CRHR1: variants seen among roughly 807,000 people sequenced by gnomAD.
The protein encoded by CRHR1 is corticotropin releasing hormone receptor 1.
In CRHR1, 28 loss-of-function variants were observed where a neutral mutation model predicts 56.0. The ratio of observed to expected loss-of-function variants is 0.50; its 90% CI spans 0.37 to 0.69. The LOEUF is 0.69. Among genes scored for constraint, CRHR1 ranks in the 30% least tolerant of loss-of-function variants. The pLI, the probability that CRHR1 is intolerant of heterozygous loss-of-function variation, is 0.00. For synonymous variants in CRHR1, 195 were observed against 216.5 expected (o/e 0.90, Z 0.87); for missense variants, 376 against 548.0 (o/e 0.69, Z 3.13).
intron 2 of CRHR1, among the ~76,000 whole-genome samples, chr17:45,815,813 T>G (rs1356587791): frequency 6.6e-6 from 1 of 152,176 alleles, no homozygotes; most frequent in African/African-American, 2.4e-5. Context: ...CTCCCCCAGA[T>G]GGTGTCTCCC....
intron 2 of CRHR1, among the ~76,000 whole-genome samples, chr17:45,813,591 A>G (rs2061867945): frequency 6.6e-6 from 1 of 152,128 alleles, no homozygotes; most frequent in South Asian, 2.1e-4. Context: ...CTGCTGGGGA[A>G]CTGGAGTCGC....
chr17:45,792,487 T>C (rs1242179242), intron 1 of CRHR1, among the ~76,000 whole-genome samples: 2 of 152,192 alleles, frequency 1.3e-5, no homozygotes, highest in Non-Finnish European at 2.9e-5. Flanking sequence ...GCCCTCTGCC[T>C]GAGTCGCACT....
Position 45,834,911 on chromosome 17 carries a change from G to A in CRHR1, c.*147G>A, listed in dbSNP as rs998653841. 30 of 1,089,680 alleles carry A rather than the reference G, an allele frequency of 2.8e-5. No homozygotes were observed. In the East Asian group the frequency reaches 3.1e-4, roughly 11 times the overall value. 67.5% of individuals were successfully genotyped at this position (1,089,680 alleles called of 1,614,324 possible). ...CTGGCACTGACAGCCTGGGGGGGCCGCTCTCCCCCTGCAGCCGTGCAGGAC... is the reference window on the plus strand; with the variant it reads ...CTGGCACTGACAGCCTGGGGGGGCCACTCTCCCCCTGCAGCCGTGCAGGAC... On this transcript the variant is annotated 3_prime_UTR_variant, in exon 13 of 13. Transcript: ENST00000314537.
chr17:45,793,041 T>G (rs1213046169), intron 1 of CRHR1, among the ~76,000 whole-genome samples: 1 of 152,142 alleles, frequency 6.6e-6, no homozygotes, highest in African/African-American at 2.4e-5. Flanking sequence ...CTGCTCCCAC[T>G]CCCCAATGAA....
rs1328704021 is a variant in CRHR1, at chr17:45,784,475, C to G, written c.-70C>G. The G allele has an allele frequency of 6.9e-7, 1 of 1,444,650 alleles. No individual in the cohort carries two copies. 89.5% of individuals were successfully genotyped at this position (1,444,650 alleles called of 1,614,324 possible). ...CACCCCGTGCCGCCCGAGCCCGCAG[C>G]CGCCCGCCGGTCCCTCTGGGATGTC... On this transcript the variant is annotated 5_prime_UTR_variant, in exon 1 of 13. Coordinates refer to ENST00000314537, the MANE Select transcript of CRHR1 (RefSeq NM_004382.5). The surrounding 1 kb of genome is among the most constrained non-coding windows in gnomAD (Gnocchi z 4.2).
At chr17:45,818,016 T>C (rs775774600) in intron 3 of CRHR1, among the ~76,000 whole-genome samples, 1 of 152,182 alleles carries the variant, frequency 6.6e-6, no homozygotes, top group African/African-American at 2.4e-5. Context: ...CTCACGATGC[T>C]GGGGGCTGAG....
intron 6 of CRHR1, 79 bp from the exon 7 acceptor site, chr17:45,830,338 G>T: frequency 6.3e-7 from 1 of 1,580,350 alleles, no homozygotes; most frequent in East Asian, 2.2e-5. Context: ...GCCCTGTCCT[G>T]CCCTGGGGAG....
At chr17:45,823,068 A>G (rs55638417) in intron 4 of CRHR1, among the ~76,000 whole-genome samples, 21,636 of 147,076 alleles carry the variant, frequency 0.15, 2,123 homozygotes, top group Middle Eastern at 0.23. Context: ...CACTTGAACC[A>G]GGGAGGCGGA....
At chr17:45,829,068 G>A (rs370316526) in intron 4 of CRHR1, 147 bp from the exon 5 acceptor site, 11 of 646,172 alleles carry the variant, frequency 1.7e-5, no homozygotes, top group Admixed American at 4.9e-5. Flanking sequence ...GCTCTGCAGC[G>A]AGGCCTGACC....
chr17:45,811,483 A>G (rs2061822975), intron 2 of CRHR1, among the ~76,000 whole-genome samples: 1 of 151,962 alleles, frequency 6.6e-6, no homozygotes, highest in African/African-American at 2.4e-5. Context: ...AGTCCACTTG[A>G]CTCCAGCAGC....
At chr17:45,806,095 A>C (rs1465324329) in intron 1 of CRHR1, among the ~76,000 whole-genome samples, 1 of 152,176 alleles carries the variant, frequency 6.6e-6, no homozygotes, top group African/African-American at 2.4e-5. Flanking sequence ...TCCCCTGCCC[A>C]TGGCAACACA....
chr17:45,829,384 A>G (rs772309441), intron 5 of CRHR1, 63 bp downstream of exon 5: 37 of 1,486,308 alleles, frequency 2.5e-5, no homozygotes, highest in Admixed American at 2.4e-4. Flanking sequence ...CAGGGTGGAG[A>G]AGTGAGAGGA....
chr17:45,834,387 G>T (rs2062389842), intron 12 of CRHR1, among the ~76,000 whole-genome samples: 1 of 152,232 alleles, frequency 6.6e-6, no homozygotes, highest in Non-Finnish European at 1.5e-5. Flanking sequence ...AGGGCATATG[G>T]TGCCTTCGTG....
chr17:45,791,819 T>TTCTC (rs1192956995), intron 1 of CRHR1, among the ~76,000 whole-genome samples: 2 of 130,604 alleles, frequency 1.5e-5, no homozygotes, highest in African/African-American at 5.6e-5. Context: ...GGGCATTTTT[T>TTCTC]TCTCTCTCTC....
chr17:45,820,574 C>T (rs923688678), intron 3 of CRHR1, among the ~76,000 whole-genome samples: 1 of 152,196 alleles, frequency 6.6e-6, no homozygotes, highest in African/African-American at 2.4e-5. Flanking sequence ...TGTCCCTGGG[C>T]CACTCTCCTG....
chr17:45,791,019 G>C (rs978193071), intron 1 of CRHR1, among the ~76,000 whole-genome samples: 1 of 152,184 alleles, frequency 6.6e-6, no homozygotes, highest in Admixed American at 6.5e-5. Context: ...AGTGATGGCC[G>C]CAGCATTGCC....
At chr17:45,829,752 G>A in intron 5 of CRHR1, 1 of 1,171,864 alleles carries the variant, frequency 8.5e-7, no homozygotes, top group South Asian at 1.3e-5. Context: ...TGGGAGCAGG[G>A]CTGACCCCTG....
chr17:45,810,927 G>A (rs960097874), intron 2 of CRHR1, among the ~76,000 whole-genome samples: 5 of 152,232 alleles, frequency 3.3e-5, no homozygotes, highest in Non-Finnish European at 7.3e-5. Context: ...TCCTCTGACT[G>A]GGCAAGAACG....
At chr17:45,810,574 C>T (rs1310758773) in intron 2 of CRHR1, among the ~76,000 whole-genome samples, 1 of 152,116 alleles carries the variant, frequency 6.6e-6, no homozygotes, top group Non-Finnish European at 1.5e-5. Flanking sequence ...GTGCCCAGGG[C>T]CCGGTGTAGT....
Sources: allele counts gnomAD v4.1 joint callset (sites outside exome capture counted in the v4.1 genomes callset), GRCh38; gene constraint gnomAD v4.1.1; non-coding constraint Gnocchi (gnomAD v3.1); transcripts MANE v1.5; gene names NCBI Gene and HGNC (gene_info 2026-07-23, HGNC 2026-07-21).